Variants in C2CD3 observed in about 807,000 individuals in gnomAD.
The protein encoded by C2CD3 is C2 domain containing 3 centriole elongation regulator, also known as C2 domain-containing protein 3.
Under a neutral mutation model 234.0 loss-of-function variants are expected in C2CD3, and 148 were observed. That is an observed-to-expected ratio of 0.63 (90% confidence interval 0.55 to 0.72). The LOEUF is 0.72. C2CD3 is among the 30% of genes least tolerant of loss of function. The probability of loss-of-function intolerance (pLI) is 0.00; values close to 1 mark genes in which losing one functional copy is unlikely to be tolerated. For missense variants in C2CD3, 2,577 were observed against 2,811.5 expected (o/e 0.92, Z 1.89); for synonymous variants, 1,000 against 1,035.4 (o/e 0.97, Z 0.66).
chr11:74,062,716 T>C (rs531572371), intron 24 of C2CD3, among the ~76,000 whole-genome samples: 31 of 150,490 alleles, frequency 2.1e-4, no homozygotes, highest in Non-Finnish European at 4.4e-4. Context: ...TTAAAAGAAC[T>C]GGAGAAGCAA....
At chr11:74,040,599 A>G (rs888573999) in intron 29 of C2CD3, among the ~76,000 whole-genome samples, 4 of 152,070 alleles carry the variant, frequency 2.6e-5, no homozygotes, top group African/African-American at 9.7e-5. Context: ...TACTAAAAAT[A>G]CAAAAAACTA....
chr11:74,123,238 T>C, intron 7 of C2CD3, 103 bp from the exon 8 acceptor site: 1 of 779,540 alleles, frequency 1.3e-6, no homozygotes, highest in Non-Finnish European at 2.1e-6. Context: ...TGGAAGGAGA[T>C]ATGTTAAACA....
At chr11:74,084,730 A>C (rs1406953790) in intron 22 of C2CD3, 151 bp downstream of exon 22, 2 of 480,288 alleles carry the variant, frequency 4.2e-6, no homozygotes, top group Admixed American at 3.6e-5. Flanking sequence ...GTTTCAAAAA[A>C]CATTTGAGGT....
At chr11:74,037,356 G>C in intron 30 of C2CD3, 122 bp downstream of exon 30, 1 of 754,956 alleles carries the variant, frequency 1.3e-6, no homozygotes, top group Non-Finnish European at 2.2e-6. Context: ...AAAAAAGGAA[G>C]AGGGTGAAAA....
Position 74,077,833 on chromosome 11 carries a change from ATATATATATATATT to A in C2CD3, c.4603+268_4603+281del, listed in dbSNP as rs1263797103. On this transcript the variant is annotated intron_variant, in intron 23 of 32. Transcript: ENST00000334126. ...TATATATATATATATATATATATAT[ATATATATATATATT>A]ATCTCTTTAGTTACAAGAAGCACTA... 2.2e-3 allele frequency among the ~76,000 whole-genome samples: 35 copies of A among 15,862 alleles called. 6 individuals carry two copies. Among genetic ancestry groups the A allele is most frequent in the African/African-American group, 0.015 (34 of 2,308 alleles). 10.4% of individuals were successfully genotyped at this position (15,862 alleles called of 152,430 possible).
chr11:74,055,904 G>A (rs555945312), intron 25 of C2CD3, among the ~76,000 whole-genome samples: 9 of 152,190 alleles, frequency 5.9e-5, no homozygotes, highest in Non-Finnish European at 1.3e-4. Flanking sequence ...CCTTCATCAC[G>A]TTTGTGAAGT....
At chr11:74,100,312 T>C (rs1956265166) in intron 15 of C2CD3, among the ~76,000 whole-genome samples, 1 of 152,226 alleles carries the variant, frequency 6.6e-6, no homozygotes, top group South Asian at 2.1e-4. Context: ...TGACTTGATG[T>C]TGCAAGGTTT....
At chr11:74,147,445 G>A (rs1855292232) in intron 3 of C2CD3, among the ~76,000 whole-genome samples, 1 of 151,404 alleles carries the variant, frequency 6.6e-6, no homozygotes. Context: ...CCACAACAAC[G>A]ACAACACCCC....
At chr11:74,101,300 T>C (rs928330091) in intron 14 of C2CD3, among the ~76,000 whole-genome samples, 2 of 152,082 alleles carry the variant, frequency 1.3e-5, no homozygotes, top group African/African-American at 4.8e-5. Flanking sequence ...AAATTAGTGG[T>C]AGAATCAAGG....
At chr11:74,034,508 T>G in intron 30 of C2CD3, 1 of 1,602,698 alleles carries the variant, frequency 6.2e-7, no homozygotes, top group Non-Finnish European at 8.5e-7. Flanking sequence ...TGGATACATC[T>G]GTGGAAATGC....
chr11:74,117,374 A>ATATATATATATATG (rs1957059519), intron 9 of C2CD3, among the ~76,000 whole-genome samples: 4 of 69,170 alleles, frequency 5.8e-5, no homozygotes, highest in Non-Finnish European at 1.0e-4. Context: ...ATATATATAT[A>ATATATATATATATG]TATATATATA....
intron 9 of C2CD3, among the ~76,000 whole-genome samples, chr11:74,114,881 T>C (rs998549459): frequency 6.6e-6 from 1 of 151,936 alleles, no homozygotes; most frequent in African/African-American, 2.4e-5. Context: ...TTTGTATTTT[T>C]TGTAGAGATG....
chr11:74,151,195 A>G (rs1229082957), intron 3 of C2CD3, among the ~76,000 whole-genome samples: 1 of 152,192 alleles, frequency 6.6e-6, no homozygotes, highest in Non-Finnish European at 1.5e-5. Flanking sequence ...AAGTGCTGGG[A>G]TTACAGGCGT....
chr11:74,048,815 C>A (rs558098224), intron 27 of C2CD3, among the ~76,000 whole-genome samples: 2 of 152,242 alleles, frequency 1.3e-5, no homozygotes, highest in South Asian at 4.1e-4. Context: ...GGGCCAGGCA[C>A]GAGAGACAGA....
rs1337910707 is a variant in C2CD3 at position 74,103,597 on chromosome 11, T to C, written c.2114A>G (p.Lys705Arg). 1 of 1,612,580 alleles carries C rather than the reference T, an allele frequency of 6.2e-7. No homozygotes were observed. Among genetic ancestry groups the C allele is most frequent in the Non-Finnish European group, 8.5e-7 (1 of 1,179,624 alleles). The change falls in exon 14 of 33, where the codon AAA becomes AGA. Residue 705 changes from lysine (K) to arginine (R), a missense_variant. By Grantham distance (26) the Lys-to-Arg change is conservative. Coordinates refer to ENST00000334126, the MANE Select transcript of C2CD3 (RefSeq NM_001286577.2). ...KVTMELITDN[K>R]DFTGINTKLS... Reference sequence around the variant, plus strand: ...CTTAGTATTGATACCAGTGAAATCTTTGTTATCTGTAATAAGCTCCATGGT... The same window carrying C: ...CTTAGTATTGATACCAGTGAAATCTCTGTTATCTGTAATAAGCTCCATGGT...
intron 26 of C2CD3, among the ~76,000 whole-genome samples, chr11:74,049,937 T>C (rs1028137939): frequency 2.1e-5 from 3 of 144,874 alleles, no homozygotes; most frequent in African/African-American, 8.7e-5. Flanking sequence ...CACACCACCA[T>C]GCCCAGCTAA....
At chr11:74,088,463 G>C (rs1955750063) in intron 20 of C2CD3, among the ~76,000 whole-genome samples, 2 of 152,182 alleles carry the variant, frequency 1.3e-5, no homozygotes, top group South Asian at 4.1e-4. Context: ...TACCAGAAGA[G>C]TGTTGTGTCA....
chr11:74,048,521 T>A (rs1005085995), intron 27 of C2CD3, among the ~76,000 whole-genome samples, 183 bp from the exon 28 acceptor site: 1 of 152,266 alleles, frequency 6.6e-6, no homozygotes, highest in Non-Finnish European at 1.5e-5. Flanking sequence ...GCAACTATTA[T>A]TATTATACTC....
chr11:74,054,617 C>A lies in C2CD3; in HGVS notation c.5145G>T (p.Trp1715Cys). ...DPQQTLVFKV[W>C]HKGDEERVIG... is the part of the protein sequence containing the mutation. ...TAACAGAGTTCATACCTCCTTTATG[C>A]CAAACTTTGAAGACCAGGGTTTGTT... The change falls in exon 26 of 33, where the codon TGG becomes TGT. Residue 1715 changes from tryptophan to cysteine, a missense_variant. Trp to Cys is a radical substitution (Grantham distance 215). Transcript: ENST00000334126. 1.2e-6 allele frequency: 2 copies of A among 1,609,102 alleles called. No individual in the cohort carries two copies. Among genetic ancestry groups the A allele is most frequent in the Middle Eastern group, 1.7e-4 (1 of 6,048 alleles).
Sources: gnomAD v4.1 joint callset for allele counts (sites outside exome capture counted in the v4.1 genomes callset) on GRCh38, gnomAD v4.1.1 for gene constraint, MANE v1.5 for transcripts, NCBI Gene and HGNC (gene_info 2026-07-23, HGNC 2026-07-21) for gene names.